The following HIBADH variants were observed in gnomAD, a reference collection of about 807,000 sequenced individuals.
HIBADH encodes 3-hydroxyisobutyrate dehydrogenase, mitochondrial.
A neutral mutation model predicts 36.1 loss-of-function variants in HIBADH; 25 were observed. The ratio of observed to expected loss-of-function variants is 0.69; its 90% CI spans 0.50 to 0.97. HIBADH has a LOEUF of 0.97. Ranked by LOEUF, HIBADH falls within the 50% of genes least tolerant of loss-of-function variation. HIBADH has a pLI of 0.00. For missense variants in HIBADH, 421 were observed against 418.0 expected (o/e 1.01, Z -0.06); for synonymous variants, 160 against 149.5 (o/e 1.07, Z -0.51).
intron 4 of HIBADH, among the ~76,000 whole-genome samples, chr7:27,592,503 T>TA (rs1470162827): frequency 6.6e-6 from 1 of 152,178 alleles, no homozygotes; most frequent in Non-Finnish European, 1.5e-5. Flanking sequence ...GGTTATTTTT[T>TA]ATCCCAAAAG....
rs1784758163 is a variant in HIBADH at position 27,579,336 on chromosome 7, A to G, written c.485-36236T>C. On this transcript the variant is annotated intron_variant, in intron 4 of 7. Transcript: ENST00000265395. ...GGCTGAAGGGGGCAAGAGAGAACAC[A>G]TAAATTGAAATTTAAAATATAACAA... Among the ~76,000 whole-genome samples the G allele has an allele frequency of 4.6e-5, 7 of 152,344 alleles. No homozygotes were observed. In the South Asian group the frequency reaches 1.4e-3, roughly 32 times the overall value.
chr7:27,579,935 A>G (rs1402376022), intron 4 of HIBADH, among the ~76,000 whole-genome samples: 1 of 152,244 alleles, frequency 6.6e-6, no homozygotes, highest in Non-Finnish European at 1.5e-5. Context: ...ACTAAGTTAT[A>G]GCCCAAGAAA....
intron 4 of HIBADH, among the ~76,000 whole-genome samples, chr7:27,552,937 CTG>C (rs1247203708): frequency 2.6e-5 from 4 of 152,148 alleles, no homozygotes; most frequent in Admixed American, 2.0e-4. Flanking sequence ...AAATTCAAAA[CTG>C]AGATTTGGTA....
intron 7 of HIBADH, among the ~76,000 whole-genome samples, chr7:27,527,732 G>A (rs553546863): frequency 6.8e-6 from 1 of 148,000 alleles, no homozygotes; most frequent in African/African-American, 2.5e-5. Flanking sequence ...TTTCTGTTAC[G>A]GTGATCTGCA....
At position 27,531,313 on chromosome 7, in the gene HIBADH, A is replaced by G; in HGVS notation, c.731T>C (p.Leu244Pro). The change falls in exon 7 of 8, where the codon CTA (leucine) becomes CCA (proline). Residue 244 changes from leucine to proline, a missense_variant. Transcript: ENST00000265395. ...CCAACACCGTCCTGAGCTCATATTTAGGATTTTAGCCAGTAGTTTTGGGTC... is the reference window on the plus strand; with the variant it reads ...CCAACACCGTCCTGAGCTCATATTTGGGATTTTAGCCAGTAGTTTTGGGTC... ...GLDPKLLAKI[L>P]NMSSGRCWSS... is the part of the protein sequence containing the mutation. 1 of 1,613,610 alleles carries G rather than the reference A, an allele frequency of 6.2e-7. No homozygotes were observed.
intron 5 of HIBADH, among the ~76,000 whole-genome samples, chr7:27,542,106 A>G (rs1291701029): frequency 6.6e-6 from 1 of 152,200 alleles, no homozygotes; most frequent in Non-Finnish European, 1.5e-5. Context: ...ATAAACTAGT[A>G]TCTATCTACA....
intron 4 of HIBADH, among the ~76,000 whole-genome samples, chr7:27,605,147 T>A (rs1156810226): frequency 6.6e-6 from 1 of 152,114 alleles, no homozygotes; most frequent in African/African-American, 2.4e-5. Context: ...TATGGGTTCA[T>A]AAAAATAGAA....
intron 2 of HIBADH, among the ~76,000 whole-genome samples, chr7:27,641,453 A>AT (rs897337359): frequency 2.0e-5 from 3 of 152,164 alleles, no homozygotes; most frequent in African/African-American, 7.2e-5. Flanking sequence ...TATACGCTGA[A>AT]TTTTTTAACC....
chr7:27,642,529 T>C lies in HIBADH; in HGVS notation c.252+6944A>G, dbSNP rs533115626. 1.1e-4 allele frequency among the ~76,000 whole-genome samples: 17 copies of C among 152,254 alleles called. No homozygotes were observed. The South Asian group carries it at 2.9e-3, about 26-fold the overall frequency. ...TCAAGCTATCTCTGTTGACCTAAAG[T>C]AAAAGTCTTCAGCAAAGACTGAGGC... On this transcript the variant is annotated intron_variant, in intron 2 of 7. Coordinates refer to ENST00000265395, the MANE Select transcript of HIBADH (RefSeq NM_152740.4).
chr7:27,538,440 T>C (rs1326332582), intron 5 of HIBADH, 23 bp from the exon 6 acceptor site: 1 of 1,597,352 alleles, frequency 6.3e-7, no homozygotes, highest in Non-Finnish European at 8.6e-7. Context: ...TGAGTACATA[T>C]TAAATATCTG....
intron 2 of HIBADH, among the ~76,000 whole-genome samples, chr7:27,644,723 C>G (rs1432215086): frequency 6.6e-6 from 1 of 151,750 alleles, no homozygotes; most frequent in Non-Finnish European, 1.5e-5. Flanking sequence ...CAAGATCGCA[C>G]CACTGCACTC....
chr7:27,645,740 G>C (rs1250834170), intron 2 of HIBADH, among the ~76,000 whole-genome samples: 1 of 151,952 alleles, frequency 6.6e-6, no homozygotes, highest in African/African-American at 2.4e-5. Context: ...CATGTTTACT[G>C]GGTCATTCAT....
At chr7:27,658,244 T>C (rs1405419225) in intron 1 of HIBADH, among the ~76,000 whole-genome samples, 2 of 152,202 alleles carry the variant, frequency 1.3e-5, no homozygotes, top group Non-Finnish European at 2.9e-5. Context: ...TCTCTTTAAA[T>C]AACTTCTGAC....
intron 4 of HIBADH, among the ~76,000 whole-genome samples, chr7:27,624,645 T>C (rs747302829): frequency 1.1e-4 from 17 of 152,222 alleles, no homozygotes; most frequent in Non-Finnish European, 2.1e-4. Context: ...TTTATTTCCC[T>C]CTTGAAATAT....
At chr7:27,634,733 T>C (rs1287403687) in intron 2 of HIBADH, among the ~76,000 whole-genome samples, 1 of 152,256 alleles carries the variant, frequency 6.6e-6, no homozygotes, top group Non-Finnish European at 1.5e-5. Flanking sequence ...AAATTCCATC[T>C]ACATAACTCC....
intron 4 of HIBADH, among the ~76,000 whole-genome samples, chr7:27,604,302 T>C (rs1318630468): frequency 6.6e-6 from 1 of 152,184 alleles, no homozygotes; most frequent in Non-Finnish European, 1.5e-5. Context: ...ATGCATATCA[T>C]TACATGAGAT....
chr7:27,645,262 A>G (rs1383236238), intron 2 of HIBADH, among the ~76,000 whole-genome samples: 1 of 151,478 alleles, frequency 6.6e-6, no homozygotes, highest in Non-Finnish European at 1.5e-5. Context: ...ACCATTTTAC[A>G]TTTCCACTAG....
At chr7:27,617,658 G>A (rs750840492) in intron 4 of HIBADH, among the ~76,000 whole-genome samples, 1 of 152,166 alleles carries the variant, frequency 6.6e-6, no homozygotes, top group Non-Finnish European at 1.5e-5. Flanking sequence ...TCAACCAAGA[G>A]CCCCGAGGGA....
chr7:27,599,987 G>C (rs909612379), intron 4 of HIBADH, among the ~76,000 whole-genome samples: 1 of 152,042 alleles, frequency 6.6e-6, no homozygotes, highest in Admixed American at 6.6e-5. Flanking sequence ...GGATATGGAA[G>C]AAGTAACAGA....
Sources: allele counts gnomAD v4.1 joint callset (sites outside exome capture counted in the v4.1 genomes callset), GRCh38; gene constraint gnomAD v4.1.1; transcripts MANE v1.5; gene names NCBI Gene and HGNC (gene_info 2026-07-23, HGNC 2026-07-21).